The following ARHGEF10L variants were observed in gnomAD, a reference collection of about 807,000 sequenced individuals.
ARHGEF10L encodes rho guanine nucleotide exchange factor 10-like protein.
In ARHGEF10L, 69 loss-of-function variants were observed where a neutral mutation model predicts 141.2. The observed-to-expected ratio is 0.49, with a 90% CI of 0.40 to 0.60. The LOEUF (loss-of-function observed/expected upper bound fraction) is 0.60, where lower values mean the gene tolerates loss of function less well. Among genes scored for constraint, ARHGEF10L ranks in the 20% least tolerant of loss-of-function variants. ARHGEF10L has a pLI of 0.00. For missense variants in ARHGEF10L, 1,482 were observed against 1,734.3 expected, an observed-to-expected ratio of 0.85 and a Z score of 2.58; for synonymous variants, 711 against 718.5, an observed-to-expected ratio of 0.99 and a Z score of 0.17.
chr1:17,601,972 G>A (rs1480738374), intron 4 of ARHGEF10L, among the ~76,000 whole-genome samples, 155 bp from the exon 5 acceptor site: 1 of 152,162 alleles, frequency 6.6e-6, no homozygotes, highest in Admixed American at 6.5e-5. Context: ...AGGAGCCTGG[G>A]GGCTTGTCTG....
At chr1:17,652,960 C>T (rs543430235) in intron 22 of ARHGEF10L, among the ~76,000 whole-genome samples, 1 of 152,322 alleles carries the variant, frequency 6.6e-6, no homozygotes, top group South Asian at 2.1e-4. Context: ...GCCGTGTACC[C>T]TGTCTCCTGC....
chr1:17,683,377 A>G (rs1041060268), intron 26 of ARHGEF10L, among the ~76,000 whole-genome samples: 2 of 129,522 alleles, frequency 1.5e-5, no homozygotes, highest in Non-Finnish European at 3.3e-5. Flanking sequence ...CGGGGTGCTC[A>G]CTGCCCCCTG....
rs372691564 is a variant in ARHGEF10L at position 17,658,803 on chromosome 1, C to T, written c.2860+2095C>T. ...AAAGGAAAGAGTGTTGTGTGAGAGC[C>T]TCACTGCCCAAGTGTGGGGCAAGCT... is the stretch of plus-strand genomic sequence containing the variant. On this transcript the variant is annotated intron_variant, in intron 25 of 28. Coordinates refer to ENST00000361221, the MANE Select transcript of ARHGEF10L (RefSeq NM_018125.4). Among the ~76,000 whole-genome samples the T allele has an allele frequency of 3.3e-5, 5 of 151,612 alleles. No homozygotes were observed. The East Asian group carries it at 9.9e-4, about 30-fold the overall frequency.
chr1:17,544,308 A>G (rs532007935), intron 1 of ARHGEF10L, among the ~76,000 whole-genome samples: 2 of 147,782 alleles, frequency 1.4e-5, no homozygotes, highest in Non-Finnish European at 3.0e-5. Context: ...TTTTTTTTTG[A>G]GATGGAGTTT....
At chr1:17,631,261 C>T (rs983146703) in intron 15 of ARHGEF10L, among the ~76,000 whole-genome samples, 1 of 152,200 alleles carries the variant, frequency 6.6e-6, no homozygotes, top group South Asian at 2.1e-4. Flanking sequence ...GAATATCCTC[C>T]CTCCCTCCCA....
Position 17,656,760 on chromosome 1 carries a change from G to T in ARHGEF10L, c.2860+52G>T. ...GGGGGCAGTCCTGGATGCCAGCTGGGTGCCAGATTCTCTACCAAGAGAGGA... is the reference window on the plus strand; with the variant it reads ...GGGGGCAGTCCTGGATGCCAGCTGGTTGCCAGATTCTCTACCAAGAGAGGA... On this transcript the variant is annotated intron_variant, in intron 25 of 28. Coordinates refer to ENST00000361221, the MANE Select transcript of ARHGEF10L (RefSeq NM_018125.4). This position sits in a 1 kb window ranked among gnomAD's most constrained non-coding sequence, Gnocchi z 4.9. 1.3e-6 allele frequency: 2 copies of T among 1,572,424 alleles called. No homozygotes were observed. The highest frequency in any genetic ancestry group is 1.7e-6 in the Non-Finnish European group (2 of 1,154,624).
intron 1 of ARHGEF10L, among the ~76,000 whole-genome samples, chr1:17,571,484 G>A (rs1292815564): frequency 6.6e-6 from 1 of 152,104 alleles, no homozygotes; most frequent in Non-Finnish European, 1.5e-5. Flanking sequence ...GGTAGTGGGT[G>A]GAGAGGGTAT....
intron 25 of ARHGEF10L, 64 bp from the exon 26 acceptor site, chr1:17,664,383 T>G: frequency 3.2e-6 from 5 of 1,549,756 alleles, no homozygotes; most frequent in Non-Finnish European, 2.6e-6. Context: ...GCTGCTGGCC[T>G]GCGTTCCCAG....
intron 26 of ARHGEF10L, among the ~76,000 whole-genome samples, chr1:17,679,881 C>T (rs1223726266): frequency 6.6e-6 from 1 of 152,078 alleles, no homozygotes; most frequent in African/African-American, 2.4e-5. Context: ...TGCAGGTGAT[C>T]GTGGGTGATC....
In ARHGEF10L at chr1:17,615,898, C is replaced by T. The variant is rs950139720; in HGVS notation, c.727-196C>T. 2 of 570,952 alleles carry T rather than the reference C, an allele frequency of 3.5e-6. No homozygotes were observed. The highest frequency in any genetic ancestry group is 3.8e-5 in the African/African-American group (2 of 53,234). The allele number at this position is 570,952 out of a possible 1,614,324, so 35.4% of individuals were successfully genotyped here. ...AATCGGTTACAGCCTCCTGTTGCCCCTAAAGAGGGAGATCCCCGGGCATGA... is the reference window on the plus strand; with the variant it reads ...AATCGGTTACAGCCTCCTGTTGCCCTTAAAGAGGGAGATCCCCGGGCATGA... On this transcript the variant is annotated intron_variant, in intron 8 of 28. Coordinates refer to ENST00000361221, the MANE Select transcript of ARHGEF10L (RefSeq NM_018125.4). This position sits in a 1 kb window ranked among gnomAD's most constrained non-coding sequence, Gnocchi z 4.7.
chr1:17,607,135 A>G lies in ARHGEF10L; in HGVS notation c.434-667A>G, dbSNP rs1259230315. On this transcript the variant is annotated intron_variant, in intron 6 of 28. Coordinates refer to ENST00000361221, the MANE Select transcript of ARHGEF10L (RefSeq NM_018125.4). This position sits in a 1 kb window ranked among gnomAD's most constrained non-coding sequence, Gnocchi z 4.5. ...CCTGAGGATGCTGAGGGCCTGAGCC[A>G]GGACTTGGCTCCGGGTCTTCTCTTT... is the stretch of plus-strand genomic sequence containing the variant. 6.6e-6 allele frequency among the ~76,000 whole-genome samples: 1 copy of G among 152,192 alleles called. No individual in the cohort carries two copies. The highest frequency in any genetic ancestry group is 6.5e-5 in the Admixed American group (1 of 15,278).
intron 25 of ARHGEF10L, among the ~76,000 whole-genome samples, chr1:17,660,059 T>G (rs145001327): frequency 1.3e-5 from 2 of 152,316 alleles, no homozygotes; most frequent in African/African-American, 4.8e-5. Flanking sequence ...CACTCCTTCA[T>G]TTGCTCAAGA....
chr1:17,530,439 A>G, the ARHGEF10L span, among the ~76,000 whole-genome samples: 8 of 150,442 alleles, frequency 5.3e-5, no homozygotes, highest in Admixed American at 3.3e-4. Context: ...TGTAGATAGG[A>G]GATGGTGCAG....
At chr1:17,560,166 G>A (rs1026454921) in intron 1 of ARHGEF10L, among the ~76,000 whole-genome samples, 6 of 152,244 alleles carry the variant, frequency 3.9e-5, no homozygotes, top group African/African-American at 1.2e-4. Context: ...CCAGGTGATT[G>A]TACTGAATTC....
At chr1:17,684,967 C>T (rs1013625099) in intron 26 of ARHGEF10L, among the ~76,000 whole-genome samples, 4 of 152,136 alleles carry the variant, frequency 2.6e-5, no homozygotes, top group Non-Finnish European at 5.9e-5. Flanking sequence ...CCCTCCTGGT[C>T]CCCACACTCT....
Position 17,627,019 on chromosome 1 carries a change from C to T in ARHGEF10L, c.1411-311C>T, listed in dbSNP as rs1313143468. 9.2e-5 allele frequency among the ~76,000 whole-genome samples: 14 copies of T among 152,258 alleles called. No individual in the cohort carries two copies. The highest frequency in any genetic ancestry group is 2.9e-5 in the Non-Finnish European group (2 of 68,054). ...GTTTACGCGTTAGTCTGTCGACGGA[C>T]ATTTTTGCCTCCACATTTTGGCGAC... is the stretch of plus-strand genomic sequence containing the variant. On this transcript the variant is annotated intron_variant, in intron 14 of 28. Coordinates refer to ENST00000361221, the MANE Select transcript of ARHGEF10L (RefSeq NM_018125.4). This position sits in a 1 kb window ranked among gnomAD's most constrained non-coding sequence, Gnocchi z 4.0.
intron 26 of ARHGEF10L, among the ~76,000 whole-genome samples, chr1:17,677,170 C>T (rs2063777281): frequency 6.6e-6 from 1 of 152,160 alleles, no homozygotes; most frequent in Non-Finnish European, 1.5e-5. Context: ...GGTGAGGAGC[C>T]GATAGGAGTT....
Position 17,589,818 on chromosome 1 carries a change from G to C in ARHGEF10L, c.257+1339G>C, listed in dbSNP as rs377761659. On this transcript the variant is annotated intron_variant, in intron 4 of 28. Coordinates refer to ENST00000361221, the MANE Select transcript of ARHGEF10L (RefSeq NM_018125.4). Reference sequence around the variant, plus strand: ...GTTGTGGAGAAACTCAGTCTGGTGGGAGATGCAGATGCGTCAGAGTGGGAC... The same window carrying C: ...GTTGTGGAGAAACTCAGTCTGGTGGCAGATGCAGATGCGTCAGAGTGGGAC... Among the ~76,000 whole-genome samples, 32 of 152,312 alleles carry C rather than the reference G, an allele frequency of 2.1e-4. 1 individual carries two copies. In the South Asian group the frequency reaches 6.6e-3, roughly 32 times the overall value.
At chr1:17,549,075 T>A (rs1217311211) in intron 1 of ARHGEF10L, among the ~76,000 whole-genome samples, 15 of 151,352 alleles carry the variant, frequency 9.9e-5, no homozygotes, top group Non-Finnish European at 1.8e-4. Context: ...CCGGCTGGAG[T>A]GTGATGGCAT....
Sources: gnomAD v4.1 joint callset for allele counts (sites outside exome capture counted in the v4.1 genomes callset) on GRCh38, gnomAD v4.1.1 for gene constraint, Gnocchi (gnomAD v3.1) non-coding constraint, MANE v1.5 for transcripts, NCBI Gene and HGNC (gene_info 2026-07-23, HGNC 2026-07-21) for gene names.